The following TENT4B variants were observed in gnomAD, a reference collection of about 807,000 sequenced individuals.
The protein encoded by TENT4B is terminal nucleotidyltransferase 4B, also known as PAP associated domain containing 5.
A neutral mutation model predicts 75.0 loss-of-function variants in TENT4B; 10 were observed. That is an observed-to-expected ratio of 0.13 (90% CI 0.08 to 0.23). The LOEUF is 0.23. Ranked by LOEUF, TENT4B falls within the 10% of genes least tolerant of loss-of-function variation. The pLI, the probability that TENT4B is intolerant of heterozygous loss-of-function variation, is 1.00. For missense variants in TENT4B, 579 were observed against 893.8 expected (o/e 0.65, Z 4.49); for synonymous variants, 350 against 357.7 (o/e 0.98, Z 0.24).
At chr16:50,227,541 C>G (rs535526295) in intron 10 of TENT4B, among the ~76,000 whole-genome samples, 1 of 151,834 alleles carries the variant, frequency 6.6e-6, no homozygotes, top group Admixed American at 6.5e-5. Context: ...CACTCTTTAC[C>G]ATACTCTTTC....
intron 10 of TENT4B, 119 bp from the exon 11 acceptor site, chr16:50,227,720 A>C: frequency 9.1e-7 from 1 of 1,093,618 alleles, no homozygotes; most frequent in East Asian, 2.5e-5. Context: ...TGCTTCTTTT[A>C]ACTCCCAAAT....
chr16:50,234,050 T>C lies in TENT4B; in HGVS notation c.*4722T>C, dbSNP rs760655824. On this transcript the variant is annotated 3_prime_UTR_variant, in exon 12 of 12. Coordinates refer to ENST00000561678, the MANE Select transcript of TENT4B (RefSeq NM_001365324.3). ...CCAGCTTCTGTGTGGCCTGGTAACA[T>C]GGAAGGTCTCTCCTAAGGACAGTCT... is the stretch of plus-strand genomic sequence containing the variant. The C allele has an allele frequency of 7.3e-5, 72 of 985,326 alleles. No homozygotes were observed. The highest frequency in any genetic ancestry group is 8.1e-5 in the Non-Finnish European group (67 of 829,942). 61.0% of individuals were successfully genotyped at this position (985,326 alleles called of 1,614,324 possible).
intron 1 of TENT4B, 104 bp downstream of exon 1, chr16:50,154,363 C>T (rs1215731471): frequency 1.5e-6 from 2 of 1,336,964 alleles, no homozygotes; most frequent in South Asian, 2.0e-5. Context: ...GCCACCCCCA[C>T]GGCCTGCCTT....
At position 50,159,062 on chromosome 16, in the gene TENT4B, G is replaced by A. The variant is rs78557275; in HGVS notation, c.638+4803G>A. 7.7e-3 allele frequency among the ~76,000 whole-genome samples: 1,172 copies of A among 152,234 alleles called. 57 individuals are homozygous for A. The highest frequency in any genetic ancestry group is 0.069 in the Admixed American group (1,057 of 15,276). The stretch of plus-strand genomic sequence containing the variant: ...GAGCTGAGATTTGGAGGGCTGAGAT[G>A]TAGTGCTCTTCACTGCCGTAGGGCA... On this transcript the variant is annotated intron_variant, in intron 1 of 11. Coordinates refer to ENST00000561678, the MANE Select transcript of TENT4B (RefSeq NM_001365324.3).
In TENT4B at chr16:50,225,245, T is replaced by TGTC. The variant is rs151171253; in HGVS notation, c.1764_1766dup (p.Ser591dup). On this transcript the variant is annotated inframe_insertion, in exon 10 of 12. Transcript: ENST00000561678. ...TCTTCAAACTCTTCATCAGGTCCAG[T>TGTC]GTCGTCCTCTTCTGCCACACAGTCC... 0.017 allele frequency: 27,210 copies of TGTC among 1,613,914 alleles called. 312 individuals are homozygous for TGTC. The highest frequency in any genetic ancestry group is 0.02 in the Non-Finnish European group (23,596 of 1,179,800).
chr16:50,164,306 GT>G (rs1376491357), intron 1 of TENT4B, among the ~76,000 whole-genome samples: 1 of 82,948 alleles, frequency 1.2e-5, no homozygotes, highest in Non-Finnish European at 3.2e-5. Context: ...GTTTGTTGTT[GT>G]TCTTTTGTTG....
At position 50,234,095 on chromosome 16, in the gene TENT4B, G is replaced by T; in HGVS notation, c.*4767G>T. ...CAGTCTGGACGTATTTTGGGGGAAT[G>T]TTATTTATCTTAAAGATGCCTAGAA... On this transcript the variant is annotated 3_prime_UTR_variant, in exon 12 of 12. Transcript: ENST00000561678. 1 of 985,422 alleles carries T rather than the reference G, an allele frequency of 1.0e-6. No individual in the cohort carries two copies. The highest frequency in any genetic ancestry group is 1.2e-6 in the Non-Finnish European group (1 of 829,938). 61.0% of individuals were successfully genotyped at this position (985,422 alleles called of 1,614,324 possible). A position where few individuals can be genotyped will look rare whatever the true frequency, so the allele number is the denominator to read the frequency against.
In TENT4B at chr16:50,232,885, A is replaced by C. The variant is rs773403334; in HGVS notation, c.*3557A>C. 4 of 985,362 alleles carry C rather than the reference A, an allele frequency of 4.1e-6. No individual in the cohort carries two copies. Among genetic ancestry groups the C allele is most frequent in the Non-Finnish European group, 4.8e-6 (4 of 829,842 alleles). 61.0% of individuals were successfully genotyped at this position (985,362 alleles called of 1,614,324 possible). On this transcript the variant is annotated 3_prime_UTR_variant, in exon 12 of 12. Coordinates refer to ENST00000561678, the MANE Select transcript of TENT4B (RefSeq NM_001365324.3). The stretch of plus-strand genomic sequence containing the variant: ...TCTGTCACTAACCAAGAATGTTTCT[A>C]GGCAGTTGGTTGCTTCACAGTCAAA...
intron 10 of TENT4B, among the ~76,000 whole-genome samples, chr16:50,226,509 G>T (rs1356889213): frequency 6.6e-6 from 1 of 152,064 alleles, no homozygotes; most frequent in African/African-American, 2.4e-5. Context: ...TTGGCTCACT[G>T]CAAGCTCCGC....
Position 50,230,220 on chromosome 16 carries a change from C to A in TENT4B, c.*892C>A, listed in dbSNP as rs1028612352. 49 of 979,308 alleles carry A rather than the reference C, an allele frequency of 5.0e-5. No individual in the cohort carries two copies. Among genetic ancestry groups the A allele is most frequent in the Non-Finnish European group, 5.9e-5 (49 of 829,190 alleles). The allele number at this position is 979,308 out of a possible 1,614,324, so 60.7% of individuals were successfully genotyped here. ...CAACTGTTTTCTATAGTGCTGTCGT[C>A]TTGGGCAATGGGCAATTACATGACT... On this transcript the variant is annotated 3_prime_UTR_variant, in exon 12 of 12. Transcript: ENST00000561678.
intron 1 of TENT4B, among the ~76,000 whole-genome samples, chr16:50,187,581 G>A (rs1032412530): frequency 3.9e-5 from 6 of 152,062 alleles, no homozygotes; most frequent in African/African-American, 7.2e-5. Context: ...AGACTCCATC[G>A]TGCGGGGTGG....
chr16:50,152,925 G>A (rs1199465880), upstream of TENT4B: 2 of 1,485,858 alleles, frequency 1.3e-6, no homozygotes, highest in Non-Finnish European at 8.9e-7. Flanking sequence ...CCCACAACGC[G>A]CTCCCTGCGG....
At chr16:50,197,715 C>T (rs1038068299) in intron 1 of TENT4B, among the ~76,000 whole-genome samples, 1 of 152,114 alleles carries the variant, frequency 6.6e-6, no homozygotes, top group Non-Finnish European at 1.5e-5. Context: ...AGTGATGTAC[C>T]GAAAACGGAA....
rs774717412 is a variant in TENT4B at position 50,229,450 on chromosome 16, G to A, written c.*122G>A. 24 of 1,317,402 alleles carry A rather than the reference G, an allele frequency of 1.8e-5. No homozygotes were observed. The highest frequency in any genetic ancestry group is 8.8e-5 in the East Asian group (3 of 34,024). 81.6% of individuals were successfully genotyped at this position (1,317,402 alleles called of 1,614,324 possible). A position where few individuals can be genotyped will look rare whatever the true frequency, so the allele number is the denominator to read the frequency against. On this transcript the variant is annotated 3_prime_UTR_variant, in exon 12 of 12. Coordinates refer to ENST00000561678, the MANE Select transcript of TENT4B (RefSeq NM_001365324.3). ...GTTCAGACGTTGACTTAGCAACTGC[G>A]TTTTTTCCCAGCTCGCCACAGAATG... is the stretch of plus-strand genomic sequence containing the variant.
At chr16:50,168,655 C>CT (rs1005457988) in intron 1 of TENT4B, among the ~76,000 whole-genome samples, 3 of 149,240 alleles carry the variant, frequency 2.0e-5, no homozygotes, top group Non-Finnish European at 3.0e-5. Context: ...CACATAATTT[C>CT]TTTTTTTTGA....
intron 1 of TENT4B, among the ~76,000 whole-genome samples, chr16:50,198,417 TAA>T (rs72219443): frequency 0.59 from 79,311 of 133,722 alleles, 24,072 homozygotes; most frequent in South Asian, 0.69. Context: ...AGACTCTGTC[TAA>T]AAAAAAAAAA....
intron 1 of TENT4B, among the ~76,000 whole-genome samples, chr16:50,170,345 A>G (rs961177458): frequency 2.6e-5 from 4 of 152,098 alleles, no homozygotes; most frequent in Non-Finnish European, 2.9e-5. Flanking sequence ...CTTAACCTTC[A>G]TGTGAATCAT....
intron 2 of TENT4B, among the ~76,000 whole-genome samples, chr16:50,212,925 G>A (rs1221659495): frequency 1.3e-5 from 2 of 152,108 alleles, no homozygotes; most frequent in East Asian, 1.9e-4. Context: ...CTTAGGTGGA[G>A]GTTGATTATC....
intron 1 of TENT4B, among the ~76,000 whole-genome samples, chr16:50,176,092 CTT>C (rs145212628): frequency 7.1e-5 from 10 of 140,154 alleles, no homozygotes; most frequent in Admixed American, 7.2e-5. Flanking sequence ...CAATATAATT[CTT>C]TTTTTTTTTT....
Sources: gnomAD v4.1 joint callset for allele counts (sites outside exome capture counted in the v4.1 genomes callset) on GRCh38, gnomAD v4.1.1 for gene constraint, MANE v1.5 for transcripts, NCBI Gene and HGNC (gene_info 2026-07-23, HGNC 2026-07-21) for gene names.